MELK: variants seen among roughly 807,000 people sequenced by gnomAD.
MELK encodes the protein maternal embryonic leucine zipper kinase.
Under a neutral mutation model 85.0 loss-of-function variants are expected in MELK, and 81 were observed. The observed-to-expected ratio is 0.95, with a 90% confidence interval of 0.80 to 1.15. The LOEUF (loss-of-function observed/expected upper bound fraction) is 1.15, where lower values mean the gene tolerates loss of function less well. Among genes scored for constraint, MELK ranks in the 50% most tolerant of loss-of-function variants. MELK has a pLI of 0.00. For missense variants in MELK, 754 were observed against 777.5 expected (o/e 0.97, Z 0.36); for synonymous variants, 252 against 265.0 (o/e 0.95, Z 0.48).
intron 15 of MELK, 67 bp from the exon 16 acceptor site, chr9:36,670,931 C>G (rs1312315240): frequency 6.8e-7 from 1 of 1,479,608 alleles, no homozygotes; most frequent in African/African-American, 1.4e-5. Context: ...GACAAAAGTT[C>G]ACCCTTGTGG....
chr9:36,573,967 C>G (rs1169579725), intron 1 of MELK, among the ~76,000 whole-genome samples: 2 of 151,924 alleles, frequency 1.3e-5, no homozygotes, highest in East Asian at 3.9e-4. Context: ...CGGGTAATTA[C>G]CTTTGGTATT....
intron 8 of MELK, among the ~76,000 whole-genome samples, chr9:36,607,910 G>A (rs762259253): frequency 6.6e-6 from 1 of 152,080 alleles, no homozygotes; most frequent in African/African-American, 2.4e-5. Flanking sequence ...TGCTTTCTGC[G>A]GTCTTAGTTG....
At chr9:36,674,758 G>C (rs1315556564) in intron 16 of MELK, 76 bp from the exon 17 acceptor site, 1 of 826,062 alleles carries the variant, frequency 1.2e-6, no homozygotes, top group African/African-American at 1.7e-5. Context: ...AGGAGTTTTG[G>C]AACTCTTGAT....
At chr9:36,579,404 C>T (rs927660484) in intron 1 of MELK, among the ~76,000 whole-genome samples, 3 of 152,046 alleles carry the variant, frequency 2.0e-5, no homozygotes, top group African/African-American at 7.2e-5. Flanking sequence ...CCTCGTGATC[C>T]GCCCACCCTG....
At chr9:36,663,491 C>T (rs532434744) in intron 13 of MELK, among the ~76,000 whole-genome samples, 10 of 152,290 alleles carry the variant, frequency 6.6e-5, no homozygotes, top group African/African-American at 1.4e-4. Context: ...TAATGTACAT[C>T]GCACCCCTTA....
intron 8 of MELK, among the ~76,000 whole-genome samples, chr9:36,622,260 C>T (rs760058083): frequency 9.2e-5 from 14 of 152,012 alleles, no homozygotes; most frequent in Non-Finnish European, 2.1e-4. Flanking sequence ...ACTATTGTTC[C>T]GAGTCGCAGT....
At chr9:36,628,093 G>C (rs990289053) in intron 8 of MELK, among the ~76,000 whole-genome samples, 3 of 151,634 alleles carry the variant, frequency 2.0e-5, no homozygotes, top group African/African-American at 7.3e-5. Context: ...TAGAGACGGG[G>C]TTTCACCATG....
chr9:36,597,390 G>T (rs1824407530), intron 6 of MELK, 100 bp downstream of exon 6: 2 of 1,097,974 alleles, frequency 1.8e-6, no homozygotes, highest in African/African-American at 3.1e-5. Context: ...ATTGAGCTTG[G>T]TTGCATCCAT....
rs1258233882 is a variant in MELK, at chr9:36,583,572, A to G, written c.59-55A>G. The G allele has an allele frequency of 3.8e-5, 43 of 1,143,034 alleles. No individual in the cohort carries two copies. The Admixed American group carries it at 9.6e-4, about 26-fold the overall frequency. The allele number at this position is 1,143,034 out of a possible 1,614,324, so 70.8% of individuals were successfully genotyped here. A position where few individuals can be genotyped will look rare whatever the true frequency, so the allele number is the denominator to read the frequency against. On this transcript the variant is annotated intron_variant, in intron 2 of 17. Transcript: ENST00000298048. Reference sequence around the variant, plus strand: ...TCTTTTAAAATTATTATATATAAAAAGGTGTTTGTGCCTGAGTCCTTGCTT... The same window carrying G: ...TCTTTTAAAATTATTATATATAAAAGGGTGTTTGTGCCTGAGTCCTTGCTT...
At chr9:36,604,341 C>G (rs1489016275) in intron 7 of MELK, among the ~76,000 whole-genome samples, 1 of 113,996 alleles carries the variant, frequency 8.8e-6, no homozygotes, top group South Asian at 3.2e-4. Context: ...TGCGATGGTG[C>G]AATCTCGGCT....
chr9:36,630,307 A>C lies in MELK; in HGVS notation c.675A>C (p.Lys225Asn). Residue 225 changes from lysine (K) to asparagine (N), a missense_variant, in exon 9 of 18, where the codon AAA becomes AAC. Coordinates refer to ENST00000298048, the MANE Select transcript of MELK (RefSeq NM_014791.4). ...MALYKKIMRG[K>N]YDVPKWLSPS... The stretch of plus-strand genomic sequence containing the variant: ...ATGCTTTGTTTTTGTAGAGAGGAAA[A>C]TATGATGTTCCCAAGTGGCTCTCTC... 6.2e-7 allele frequency: 1 copy of C among 1,611,996 alleles called. No individual in the cohort carries two copies. Among genetic ancestry groups the C allele is most frequent in the South Asian group, 1.1e-5 (1 of 90,962 alleles).
intron 11 of MELK, among the ~76,000 whole-genome samples, chr9:36,651,457 A>T (rs936464555): frequency 2.0e-5 from 3 of 152,208 alleles, no homozygotes; most frequent in African/African-American, 7.2e-5. Flanking sequence ...TATACATATT[A>T]TCTGAAGCTG....
chr9:36,594,605 C>T (rs1468449777), intron 4 of MELK, 23 bp from the exon 5 acceptor site: 4 of 1,603,180 alleles, frequency 2.5e-6, no homozygotes, highest in Admixed American at 1.7e-5. Context: ...GTAACAATAT[C>T]TGTGATTCCA....
Position 36,597,289 on chromosome 9 carries a change from AGG to A in MELK, c.474_474+1del. The stretch of plus-strand genomic sequence containing the variant: ...GACTTTGGTCTCTGTGCAAAACCCA[AGG>A]TAAGTGCAGAAATAAGATGCATCTA... On this transcript the variant is annotated splice_donor_variant and coding_sequence_variant, in exon 6 of 18. Coordinates refer to ENST00000298048, the MANE Select transcript of MELK (RefSeq NM_014791.4). LOFTEE classifies it high-confidence loss of function. 1 of 1,610,542 alleles carries A rather than the reference AGG, an allele frequency of 6.2e-7. No homozygotes were observed. Among genetic ancestry groups the A allele is most frequent in the South Asian group, 1.1e-5 (1 of 90,914 alleles).
intron 8 of MELK, among the ~76,000 whole-genome samples, chr9:36,628,771 C>T (rs984139309): frequency 6.6e-6 from 1 of 151,498 alleles, no homozygotes; most frequent in Non-Finnish European, 1.5e-5. Context: ...ATATATTACT[C>T]TTTATAGTTG....
chr9:36,602,206 A>G (rs1345875483), intron 7 of MELK, among the ~76,000 whole-genome samples: 1 of 152,126 alleles, frequency 6.6e-6, no homozygotes, highest in Non-Finnish European at 1.5e-5. Flanking sequence ...CAGGAGTTTC[A>G]CATGGGCTGG....
At chr9:36,596,594 T>TG (rs1303540901) in intron 5 of MELK, among the ~76,000 whole-genome samples, 19 of 132,674 alleles carry the variant, frequency 1.4e-4, no homozygotes, top group African/African-American at 6.6e-4. Flanking sequence ...TTTTTTGTTT[T>TG]TTTTTTTTTG....
At chr9:36,618,245 C>T (rs1443885429) in intron 8 of MELK, among the ~76,000 whole-genome samples, 2 of 151,816 alleles carry the variant, frequency 1.3e-5, no homozygotes, top group African/African-American at 4.8e-5. Context: ...CCCATCTCTA[C>T]TAAAAATACA....
intron 10 of MELK, among the ~76,000 whole-genome samples, chr9:36,642,390 TATACAGTC>T (rs905086287): frequency 2.9e-4 from 43 of 150,438 alleles, no homozygotes; most frequent in Non-Finnish European, 4.9e-4. Context: ...GGAAGGGGAG[TATACAGTC>T]CCTGGGCTGT....
Sources: allele counts gnomAD v4.1 joint callset (sites outside exome capture counted in the v4.1 genomes callset), GRCh38; gene constraint gnomAD v4.1.1; transcripts MANE v1.5; gene names NCBI Gene and HGNC (gene_info 2026-07-23, HGNC 2026-07-21).